RYR3: variants seen among roughly 807,000 people sequenced by gnomAD.
RYR3 encodes brain ryanodine receptor-calcium release channel.
Under a neutral mutation model 584.3 loss-of-function variants are expected in RYR3, and 207 were observed. The ratio of observed to expected loss-of-function variants is 0.35; its 90% CI spans 0.32 to 0.40. The LOEUF is 0.40. RYR3 is among the 10% of genes least tolerant of loss of function. The probability of loss-of-function intolerance (pLI) is 1.00; values close to 1 mark genes in which losing one functional copy is unlikely to be tolerated. For missense variants in RYR3, 5,616 were observed against 6,089.2 expected (o/e 0.92, Z 2.59); for synonymous variants, 2,416 against 2,248.5 (o/e 1.07, Z -2.11).
intron 1 of RYR3, among the ~76,000 whole-genome samples, chr15:33,348,720 C>T (rs1409308079): frequency 6.6e-6 from 1 of 152,092 alleles, no homozygotes; most frequent in Non-Finnish European, 1.5e-5. Flanking sequence ...AAGTGATCTG[C>T]CCACCTCTGC....
chr15:33,725,971 C>A (rs376027535), intron 45 of RYR3, among the ~76,000 whole-genome samples: 2 of 29,302 alleles, frequency 6.8e-5, no homozygotes, highest in East Asian at 3.9e-3. Context: ...CTCCATCCCC[C>A]CCCCCAAAAA....
At chr15:33,549,815 C>G (rs747739990) in intron 9 of RYR3, among the ~76,000 whole-genome samples, 1 of 152,182 alleles carries the variant, frequency 6.6e-6, no homozygotes, top group Non-Finnish European at 1.5e-5. Context: ...TTCCCAGAAA[C>G]AAGTTTCCAT....
At chr15:33,770,041 G>A (rs899980239) in intron 62 of RYR3, among the ~76,000 whole-genome samples, 61 of 151,818 alleles carry the variant, frequency 4.0e-4, no homozygotes, top group African/African-American at 1.5e-3. Flanking sequence ...TGTCAGAGCC[G>A]GGCACCATGA....
chr15:33,722,955 G>GATA, intron 44 of RYR3, 60 bp downstream of exon 44: 7 of 1,402,904 alleles, frequency 5.0e-6, no homozygotes, highest in Non-Finnish European at 5.8e-6. Context: ...AGATATTATT[G>GATA]GTATACGGAT....
chr15:33,456,335 G>A (rs1026814563), intron 1 of RYR3, among the ~76,000 whole-genome samples: 6 of 152,188 alleles, frequency 3.9e-5, no homozygotes, highest in African/African-American at 1.4e-4. Context: ...CTAGTTAATG[G>A]ACACTGACTG....
intron 1 of RYR3, among the ~76,000 whole-genome samples, chr15:33,372,726 G>A (rs921310381): frequency 1.3e-5 from 2 of 151,710 alleles, no homozygotes; most frequent in Non-Finnish European, 2.9e-5. Context: ...GGCTGGTCTC[G>A]AACTCCTGAG....
intron 69 of RYR3, among the ~76,000 whole-genome samples, chr15:33,805,606 T>C (rs1347071357): frequency 2.0e-5 from 3 of 151,888 alleles, no homozygotes; most frequent in African/African-American, 7.3e-5. Context: ...GCCTCCCAAG[T>C]AGCTGGGACT....
At chr15:33,670,722 G>A (rs1163775904) in intron 38 of RYR3, among the ~76,000 whole-genome samples, 166 bp downstream of exon 38, 1 of 152,118 alleles carries the variant, frequency 6.6e-6, no homozygotes, top group Non-Finnish European at 1.5e-5. Flanking sequence ...TTTGGGTTCT[G>A]CCTTTCTTCT....
At chr15:33,481,789 CTT>C (rs59354808) in intron 2 of RYR3, among the ~76,000 whole-genome samples, 175 of 139,330 alleles carry the variant, frequency 1.3e-3, no homozygotes, top group East Asian at 3.5e-3. Flanking sequence ...GCCTTGAATA[CTT>C]TTTTTTTTTT....
At chr15:33,466,844 G>A (rs560353549) in intron 1 of RYR3, among the ~76,000 whole-genome samples, 1 of 152,146 alleles carries the variant, frequency 6.6e-6, no homozygotes, top group Non-Finnish European at 1.5e-5. Context: ...TCAGTTCCAG[G>A]TAGTATTTTA....
intron 2 of RYR3, among the ~76,000 whole-genome samples, chr15:33,490,928 G>T (rs1022440494): frequency 6.6e-6 from 1 of 152,112 alleles, no homozygotes; most frequent in Non-Finnish European, 1.5e-5. Flanking sequence ...CAGTATCCAT[G>T]GGGCTTGGCA....
At chr15:33,816,560 GA>G (rs1007650224) in intron 74 of RYR3, among the ~76,000 whole-genome samples, 13 of 152,178 alleles carry the variant, frequency 8.5e-5, no homozygotes, top group Admixed American at 1.3e-4. Flanking sequence ...CCTAATGATT[GA>G]TTTCTCATTG....
intron 1 of RYR3, among the ~76,000 whole-genome samples, chr15:33,448,170 C>T (rs947696904): frequency 1.3e-5 from 2 of 152,132 alleles, no homozygotes; most frequent in Non-Finnish European, 2.9e-5. Context: ...GTGGCTGAGT[C>T]TTCCAGTGAG....
At chr15:33,680,751 G>C (rs2064537326) in intron 38 of RYR3, among the ~76,000 whole-genome samples, 1 of 152,220 alleles carries the variant, frequency 6.6e-6, no homozygotes, top group African/African-American at 2.4e-5. Context: ...GCAGAAAACT[G>C]TGCAAAAGCA....
intron 1 of RYR3, among the ~76,000 whole-genome samples, chr15:33,382,940 TA>T (rs34888698): frequency 0.3 from 45,541 of 150,608 alleles, 7,060 homozygotes; most frequent in East Asian, 0.38. Context: ...TTATCATGAC[TA>T]AAAAAAAAAT....
At chr15:33,313,690 T>G (rs1056291889) in intron 1 of RYR3, among the ~76,000 whole-genome samples, 3 of 152,340 alleles carry the variant, frequency 2.0e-5, no homozygotes, top group Admixed American at 2.0e-4. Flanking sequence ...TCATATATAA[T>G]GCTTCCTCAC....
At chr15:33,379,433 A>T (rs1409326200) in intron 1 of RYR3, among the ~76,000 whole-genome samples, 1 of 152,182 alleles carries the variant, frequency 6.6e-6, no homozygotes, top group Non-Finnish European at 1.5e-5. Context: ...TGTGAAAAAA[A>T]TACTTTTTGT....
intron 43 of RYR3, among the ~76,000 whole-genome samples, chr15:33,707,619 A>T (rs1041738562): frequency 6.6e-6 from 1 of 152,214 alleles, no homozygotes; most frequent in East Asian, 1.9e-4. Flanking sequence ...GCTGAATATT[A>T]TGTAAATAAG....
At chr15:33,653,428 T>G (rs2062614701) in intron 32 of RYR3, among the ~76,000 whole-genome samples, 1 of 152,086 alleles carries the variant, frequency 6.6e-6, no homozygotes. Context: ...TCCCAGCACT[T>G]TGGGAGGCCG....
Sources: gnomAD v4.1 joint callset for allele counts (sites outside exome capture counted in the v4.1 genomes callset) on GRCh38, gnomAD v4.1.1 for gene constraint, MANE v1.5 for transcripts, NCBI Gene and HGNC (gene_info 2026-07-23, HGNC 2026-07-21) for gene names.